The following MGA variants were observed in gnomAD, a reference collection of about 807,000 sequenced individuals.
The protein encoded by MGA is MAX gene-associated protein.
Under a neutral mutation model 261.1 loss-of-function variants are expected in MGA, and 40 were observed. The observed-to-expected ratio is 0.15, with a 90% CI of 0.12 to 0.20. The LOEUF is 0.20. MGA is among the 10% of genes least tolerant of loss of function. The pLI is 1.00. For missense variants in MGA, 3,397 were observed against 3,630.5 expected, an observed-to-expected ratio of 0.94 and a Z score of 1.65; for synonymous variants, 1,302 against 1,290.6, an observed-to-expected ratio of 1.01 and a Z score of -0.19.
Position 41,709,789 on chromosome 15 carries a change from T to C in MGA, c.2426-902T>C, listed in dbSNP as rs1487208828. On this transcript the variant is annotated intron_variant, in intron 7 of 23. Coordinates refer to ENST00000219905, the MANE Select transcript of MGA (RefSeq NM_001164273.2). ...CTGTTGAGGCCTGCTTTAATTTCTT[T>C]TTTTTTTTTTTTCCCCTGTTATGTG... Among the ~76,000 whole-genome samples, 5 of 135,634 alleles carry C rather than the reference T, an allele frequency of 3.7e-5. No individual in the cohort carries two copies. The East Asian group carries it at 9.8e-4, about 27-fold the overall frequency. 89.0% of individuals were successfully genotyped at this position (135,634 alleles called of 152,430 possible).
In MGA at chr15:41,750,411, A is replaced by G. The variant is rs61736073; in HGVS notation, c.6804A>G (p.Gly2268=). Residue 2268 remains glycine, a synonymous_variant, in exon 17 of 24, where the codon GGA becomes GGG. Transcript: ENST00000219905. ...CTGCAAAAAGCAGCAGAGGGAATGG[A>G]CATTTTCAGGGTCACTTACTGCTAC... is the stretch of plus-strand genomic sequence containing the variant. 4 of 1,613,856 alleles carry G rather than the reference A, an allele frequency of 2.5e-6. No homozygotes were observed. The East Asian group carries it at 6.7e-5, about 27-fold the overall frequency.
At chr15:41,750,687 C>T (rs752812797) in intron 17 of MGA, 72 bp downstream of exon 17, 8 of 1,365,894 alleles carry the variant, frequency 5.9e-6, no homozygotes, top group Non-Finnish European at 7.8e-6. Flanking sequence ...GAAGCTTTTT[C>T]AGAAGAGCAC....
rs2063851991 is a variant in MGA at position 41,767,351 on chromosome 15, CTGTT to C, written c.*79_*82del. 4.1e-6 allele frequency: 6 copies of C among 1,479,710 alleles called. No individual in the cohort carries two copies. The highest frequency in any genetic ancestry group is 2.0e-5 in the Admixed American group (1 of 49,306). The allele number at this position is 1,479,710 out of a possible 1,614,324, so 91.7% of individuals were successfully genotyped here. A position where few individuals can be genotyped will look rare whatever the true frequency, so the allele number is the denominator to read the frequency against. ...TCTCACCTCCTTTCTCTGCAGGCATCTGTTTGTTTGTGTCTTAGAACTTGGATCC... is the reference window on the plus strand; with the variant it reads ...TCTCACCTCCTTTCTCTGCAGGCATCTGTTTGTGTCTTAGAACTTGGATCC... On this transcript the variant is annotated 3_prime_UTR_variant, in exon 24 of 24. Transcript: ENST00000219905.
intron 8 of MGA, 59 bp from the exon 9 acceptor site, chr15:41,713,092 G>A (rs2060466685): frequency 6.4e-7 from 1 of 1,573,286 alleles, no homozygotes; most frequent in Non-Finnish European, 8.6e-7. Context: ...ATGACCATAA[G>A]TTGGTGGTGG....
At chr15:41,759,508 G>A (rs1220690196) in intron 19 of MGA, among the ~76,000 whole-genome samples, 1 of 126,704 alleles carries the variant, frequency 7.9e-6, no homozygotes, top group Non-Finnish European at 1.6e-5. Flanking sequence ...TTACTGTGTT[G>A]CCTGTGTTAG....
At chr15:41,640,768 C>T (rs539100873) in intron 1 of MGA, among the ~76,000 whole-genome samples, 47 of 152,274 alleles carry the variant, frequency 3.1e-4, no homozygotes, top group African/African-American at 9.1e-4. Flanking sequence ...CTGCCCACCT[C>T]GGCCTCCCAA....
upstream of MGA, among the ~76,000 whole-genome samples, chr15:41,657,474 C>G (rs570494270): frequency 4.2e-4 from 64 of 151,542 alleles, 3 homozygotes; most frequent in South Asian, 0.013. Context: ...TTGCCTTAGC[C>G]TCCCGTGTGG....
chr15:41,650,823 A>G (rs1408167048), intron 1 of MGA, among the ~76,000 whole-genome samples: 1 of 152,226 alleles, frequency 6.6e-6, no homozygotes, highest in Admixed American at 6.5e-5. Context: ...AATATGTATC[A>G]TGAACATCAT....
intron 2 of MGA, chr15:41,684,351 C>T (rs1188453197): frequency 2.2e-6 from 1 of 446,378 alleles, no homozygotes; most frequent in African/African-American, 2.0e-5. Context: ...CAAAAAAAAT[C>T]CTTTTAATTA....
chr15:41,744,467 A>G (rs1191573205), intron 15 of MGA, among the ~76,000 whole-genome samples: 1 of 152,142 alleles, frequency 6.6e-6, no homozygotes, highest in African/African-American at 2.4e-5. Flanking sequence ...AAGTGCTGGG[A>G]TTACAGGCGT....
intron 2 of MGA, among the ~76,000 whole-genome samples, chr15:41,676,318 G>T (rs1346237908): frequency 6.6e-6 from 1 of 152,166 alleles, no homozygotes; most frequent in South Asian, 2.1e-4. Flanking sequence ...GAGTAGCTGG[G>T]ATTTCAGGCA....
intron 20 of MGA, 118 bp from the exon 21 acceptor site, chr15:41,761,621 A>T: frequency 1.7e-6 from 1 of 595,340 alleles, no homozygotes; most frequent in Non-Finnish European, 2.9e-6. Context: ...AATGGAATTT[A>T]AAAATTCTCT....
rs541631596 is a variant in MGA at position 41,766,501 on chromosome 15, A to G, written c.8419A>G (p.Ser2807Gly). The change falls in exon 24 of 24, where the codon AGT (serine) becomes GGT (glycine). Residue 2807 changes from serine (S) to glycine (G), a missense_variant. By Grantham distance (56) the Ser-to-Gly change is moderately conservative. Transcript: ENST00000219905. The stretch of plus-strand genomic sequence containing the variant: ...TATAGAGGAAGCAGCTCTTGATTCC[A>G]GTGAACTGCTGACTAACATGGAAGA... 8.1e-6 allele frequency: 13 copies of G among 1,614,014 alleles called. No homozygotes were observed. Among genetic ancestry groups the G allele is most frequent in the Non-Finnish European group, 1.1e-5 (13 of 1,179,900 alleles).
chr15:41,763,533 T>C (rs912033736), intron 22 of MGA, among the ~76,000 whole-genome samples: 1 of 151,352 alleles, frequency 6.6e-6, no homozygotes, highest in African/African-American at 2.4e-5. Context: ...CACCTGAGGT[T>C]GGGAGTTTGA....
At chr15:41,674,952 CTT>C (rs915748168) in intron 2 of MGA, among the ~76,000 whole-genome samples, 1 of 151,974 alleles carries the variant, frequency 6.6e-6, no homozygotes, top group African/African-American at 2.4e-5. Context: ...AAATCCTCCC[CTT>C]TTTTTTGCAT....
intron 7 of MGA, among the ~76,000 whole-genome samples, chr15:41,710,136 C>T (rs1001361674): frequency 2.0e-5 from 3 of 152,098 alleles, no homozygotes; most frequent in Middle Eastern, 3.2e-3. Flanking sequence ...CTCCCTGTTA[C>T]GTTTTTACTT....
At chr15:41,754,314 A>G in intron 17 of MGA, 123 bp from the exon 18 acceptor site, 1 of 769,904 alleles carries the variant, frequency 1.3e-6, no homozygotes, top group Non-Finnish European at 2.0e-6. Context: ...TAGGATTATC[A>G]GTACTCATGA....
chr15:41,736,533 T>G lies in MGA; in HGVS notation c.4269T>G (p.Pro1423=). ...AGACTCCTGATGGTCCATTGTCCCC[T>G]GGGAAAATGGAGGATATCTCTCCTG... Residue 1423 remains proline (P), a synonymous_variant, in exon 13 of 24, where the codon CCT becomes CCG. Transcript: ENST00000219905. The G allele has an allele frequency of 6.2e-7, 1 of 1,614,014 alleles. No individual in the cohort carries two copies. Among genetic ancestry groups the G allele is most frequent in the Middle Eastern group, 1.6e-4 (1 of 6,062 alleles).
chr15:41,626,675 G>T (rs1566920184), intron 1 of MGA, among the ~76,000 whole-genome samples: 1 of 152,118 alleles, frequency 6.6e-6, no homozygotes, highest in African/African-American at 2.4e-5. Flanking sequence ...CACCCGCCTT[G>T]GCTTCCCAAA....
Sources: gnomAD v4.1 joint callset for allele counts (sites outside exome capture counted in the v4.1 genomes callset) on GRCh38, gnomAD v4.1.1 for gene constraint, MANE v1.5 for transcripts, NCBI Gene and HGNC (gene_info 2026-07-23, HGNC 2026-07-21) for gene names.